Variants in DDOST observed in about 807,000 individuals in gnomAD.
DDOST encodes the protein dolichyl-diphosphooligosaccharide--protein glycosyltransferase non-catalytic subunit.
In DDOST, 25 loss-of-function variants were observed where a neutral mutation model predicts 47.6. The observed-to-expected ratio is 0.53, with a 90% CI of 0.38 to 0.73. DDOST has a LOEUF of 0.73. Ranked by LOEUF, DDOST falls within the 30% of genes least tolerant of loss-of-function variation. The probability of loss-of-function intolerance (pLI) is 0.00; values close to 1 mark genes in which losing one functional copy is unlikely to be tolerated. For synonymous variants in DDOST, 275 were observed against 236.0 expected (o/e 1.17, Z -1.51); for missense variants, 526 against 573.9 (o/e 0.92, Z 0.85).
In DDOST at chr1:20,656,107, C is replaced by T. The variant is rs141098328; in HGVS notation, c.346G>A (p.Asp116Asn). Residue 116 changes from aspartate to asparagine, a missense_variant, in exon 3 of 11, where the codon GAC (aspartate) becomes AAC (asparagine). Coordinates refer to ENST00000602624, the MANE Select transcript of DDOST (RefSeq NM_005216.5). ...CCTCCCAGGTCGGACTCACCAATGTCGGAGCTGGCAGCTACCAGCACACTG... is the reference window on the plus strand; with the variant it reads ...CCTCCCAGGTCGGACTCACCAATGTTGGAGCTGGCAGCTACCAGCACACTG... ...GGSVLVAASSDIGDPLRELGS... is the reference protein window; with the variant it reads ...GGSVLVAASSNIGDPLRELGS... 13 of 1,613,566 alleles carry T rather than the reference C, an allele frequency of 8.1e-6. No homozygotes were observed. The highest frequency in any genetic ancestry group is 3.3e-5 in the South Asian group (3 of 91,076).
At chr1:20,658,065 T>A (rs1156317507) in intron 2 of DDOST, among the ~76,000 whole-genome samples, 2 of 152,246 alleles carry the variant, frequency 1.3e-5, no homozygotes, top group Non-Finnish European at 2.9e-5. Context: ...ACGTCAAGAA[T>A]GCACCTGTTG....
Position 20,652,604 on chromosome 1 carries a change from C to G in DDOST, c.1170+17G>C. 1 of 1,614,098 alleles carries G rather than the reference C, an allele frequency of 6.2e-7. No homozygotes were observed. Among genetic ancestry groups the G allele is most frequent in the South Asian group, 1.1e-5 (1 of 91,082 alleles). ...GGCACATGCTAGCTGAAAACAGAAG[C>G]TGTCACCTGTGCTTACCTGAGTGGA... is the stretch of plus-strand genomic sequence containing the variant. On this transcript the variant is annotated intron_variant, in intron 10 of 10. Coordinates refer to ENST00000602624, the MANE Select transcript of DDOST (RefSeq NM_005216.5).
At chr1:20,654,919 G>A (rs2053351901) in intron 5 of DDOST, among the ~76,000 whole-genome samples, 1 of 152,176 alleles carries the variant, frequency 6.6e-6, no homozygotes, top group Non-Finnish European at 1.5e-5. Flanking sequence ...GAGTGCAGTG[G>A]CACAACCTTG....
In DDOST at chr1:20,651,801, T is replaced by TTTTTTTTTTTATTTATTTATTTA. The variant is rs886045853; in HGVS notation, c.*577_*578insTAAATAAATAAATAAAAAAAAAA. ...GTTTGAGGGCAACATCTCGCTTTATTTTTATTTATTTATTTATTTATTTAT... is the reference window on the plus strand; with the variant it reads ...GTTTGAGGGCAACATCTCGCTTTATTTTTTTTTTTTATTTATTTATTTATTTATTTATTTATTTATTTATTTAT... On this transcript the variant is annotated 3_prime_UTR_variant, in exon 11 of 11. Transcript: ENST00000602624. 5 of 147,120 alleles carry TTTTTTTTTTTATTTATTTATTTA rather than the reference T, an allele frequency of 3.4e-5. No homozygotes were observed. Among genetic ancestry groups the TTTTTTTTTTTATTTATTTATTTA allele is most frequent in the African/African-American group, 7.6e-5 (3 of 39,712 alleles). 9.1% of individuals were successfully genotyped at this position (147,120 alleles called of 1,614,324 possible).
At position 20,652,183 on chromosome 1, in the gene DDOST, C is replaced by T; in HGVS notation, c.*196G>A. The T allele has an allele frequency of 1.9e-6, 1 of 519,526 alleles. No individual in the cohort carries two copies. Among genetic ancestry groups the T allele is most frequent in the Non-Finnish European group, 3.2e-6 (1 of 308,506 alleles). 32.2% of individuals were successfully genotyped at this position (519,526 alleles called of 1,614,324 possible). On this transcript the variant is annotated 3_prime_UTR_variant, in exon 11 of 11. Transcript: ENST00000602624. ...CACATAGGAAAAATGCCACTTTTAG[C>T]AATTCAAAGTGGAAAAACTTCTTTT...
intron 3 of DDOST, 31 bp from the exon 4 acceptor site, chr1:20,655,810 C>A (rs755998781): frequency 2.5e-6 from 4 of 1,588,444 alleles, no homozygotes; most frequent in East Asian, 2.2e-5. Context: ...CCTAGCTGAG[C>A]CCTTACAGGG....
intron 2 of DDOST, among the ~76,000 whole-genome samples, chr1:20,659,484 G>A (rs985601513): frequency 1.6e-4 from 25 of 152,048 alleles, no homozygotes; most frequent in African/African-American, 6.0e-4. Context: ...ACTCCTCCAG[G>A]GCAGACTCCC....
At chr1:20,657,993 G>GA (rs946084541) in intron 2 of DDOST, among the ~76,000 whole-genome samples, 3 of 3,864 alleles carry the variant, frequency 7.8e-4, no homozygotes, top group Non-Finnish European at 2.0e-3. Context: ...GCAGAGGCCC[G>GA]GGTGCTGTTA....
rs2053431398 is a variant in DDOST at position 20,661,260 on chromosome 1, A to C, written c.91T>G (p.Leu31Val). 1.9e-6 allele frequency: 3 copies of C among 1,613,942 alleles called. No homozygotes were observed. In the Admixed American group the frequency reaches 5.0e-5, roughly 27 times the overall value. Reference sequence around the variant, plus strand: ...ACGTTGAGGTTGTCCAGCAGCACTAAGGTGCGGGGTCCGCTGGCGCAAACC... The same window carrying C: ...ACGTTGAGGTTGTCCAGCAGCACTACGGTGCGGGGTCCGCTGGCGCAAACC... ...GAVCASGPRT[L>V]VLLDNLNVRE... The change falls in exon 1 of 11, where the codon TTA becomes GTA. Residue 31 changes from leucine (L) to valine (V), a missense_variant. Coordinates refer to ENST00000602624, the MANE Select transcript of DDOST (RefSeq NM_005216.5).
intron 2 of DDOST, among the ~76,000 whole-genome samples, chr1:20,657,116 CAG>C (rs1200286284): frequency 6.6e-6 from 1 of 152,174 alleles, no homozygotes; most frequent in Non-Finnish European, 1.5e-5. Flanking sequence ...TCTGTGGGGT[CAG>C]AGGATTCCCA....
At chr1:20,653,512 T>C (rs901165405) in intron 8 of DDOST, 115 bp downstream of exon 8, 28 of 1,114,130 alleles carry the variant, frequency 2.5e-5, no homozygotes, top group South Asian at 3.4e-5. Flanking sequence ...GATTAACTTA[T>C]TCATCTTTAT....
intron 6 of DDOST, 86 bp downstream of exon 6, chr1:20,654,528 A>G: frequency 7.2e-7 from 1 of 1,396,434 alleles, no homozygotes; most frequent in Non-Finnish European, 9.9e-7. Context: ...GCCCCACCCC[A>G]CCAACTAGTC....
rs2053427070 is a variant in DDOST at position 20,660,915 on chromosome 1, A to G, written c.231T>C (p.Tyr77=). Residue 77 remains tyrosine, a synonymous_variant, in exon 2 of 11, where the codon TAT becomes TAC. Transcript: ENST00000602624. Reference sequence around the variant, plus strand: ...AAGGGGAGAAAATGATGAGATTGTCATAGAGGAATTCCCCATACTTTATGA... The same window carrying G: ...AAGGGGAGAAAATGATGAGATTGTCGTAGAGGAATTCCCCATACTTTATGA... ...LSLIKYGEFL[Y]DNLIIFSPSV... 11 of 1,613,172 alleles carry G rather than the reference A, an allele frequency of 6.8e-6. No homozygotes were observed. Among genetic ancestry groups the G allele is most frequent in the Non-Finnish European group, 9.3e-6 (11 of 1,179,116 alleles).
chr1:20,661,129 G>A, intron 1 of DDOST, 68 bp downstream of exon 1: 1 of 1,544,124 alleles, frequency 6.5e-7, no homozygotes, highest in East Asian at 2.3e-5. Flanking sequence ...GAAGGAGAGT[G>A]GTCAATGCCC....
rs1020454817 is a variant in DDOST at position 20,652,638 on chromosome 1, G to A, written c.1153C>T (p.Leu385=). The change falls in exon 10 of 11, where the codon CTG becomes TTG. Residue 385 remains leucine (L), a synonymous_variant. Transcript: ENST00000602624. ...VDYNRLGYTH[L]YSSTQVSVRP... ...GTGCTTACCTGAGTGGAAGAGTACAGGTGTGTGTAGCCTAGCCGGTTGTAA... is the reference window on the plus strand; with the variant it reads ...GTGCTTACCTGAGTGGAAGAGTACAAGTGTGTGTAGCCTAGCCGGTTGTAA... 10 of 1,614,090 alleles carry A rather than the reference G, an allele frequency of 6.2e-6. No homozygotes were observed. The highest frequency in any genetic ancestry group is 1.6e-4 in the Middle Eastern group (1 of 6,084).
Position 20,652,655 on chromosome 1 carries a change from C to T in DDOST, c.1136G>A (p.Arg379Gln), listed in dbSNP as rs74526704. The T allele has an allele frequency of 5.8e-5, 94 of 1,614,144 alleles. No individual in the cohort carries two copies. In the East Asian group the frequency reaches 1.9e-3, roughly 32 times the overall value. Residue 379 changes from arginine to glutamine, a missense_variant, in exon 10 of 11, where the codon CGG becomes CAG. Physicochemically the swap from Arg to Gln is conservative, Grantham distance 43 (BLOSUM62 1). Transcript: ENST00000602624. Reference sequence around the variant, plus strand: ...AGAGTACAGGTGTGTGTAGCCTAGCCGGTTGTAATCCACTTTAAACTGGAA... The same window carrying T: ...AGAGTACAGGTGTGTGTAGCCTAGCTGGTTGTAATCCACTTTAAACTGGAA... ...GVFQFKVDYN[R>Q]LGYTHLYSST...
Position 20,656,138 on chromosome 1 carries a change from G to T in DDOST, c.315C>A (p.Gly105=). ...NVETISAFID[G]GGSVLVAASS... is the part of the protein sequence containing the mutation. ...TGGCAGCTACCAGCACACTGCCTCC[G>T]CCGTCAATAAAGGCACTGATGGTCT... is the stretch of plus-strand genomic sequence containing the variant. Residue 105 remains glycine (G), a synonymous_variant, in exon 3 of 11, where the codon GGC becomes GGA. Coordinates refer to ENST00000602624, the MANE Select transcript of DDOST (RefSeq NM_005216.5). The T allele has an allele frequency of 6.2e-7, 1 of 1,613,916 alleles. No individual in the cohort carries two copies.
At chr1:20,655,585 C>A (rs1452475500) in intron 4 of DDOST, 51 bp from the exon 5 acceptor site, 1 of 1,596,736 alleles carries the variant, frequency 6.3e-7, no homozygotes, top group South Asian at 1.1e-5. Flanking sequence ...TTCCCCAAGC[C>A]AGGGAGAACC....
rs886045853 is a variant in DDOST at position 20,651,801 on chromosome 1, T to TTTTTATTTATTTATTTA, written c.*577_*578insTAAATAAATAAATAAAA. 2 of 147,120 alleles carry TTTTTATTTATTTATTTA rather than the reference T, an allele frequency of 1.4e-5. No individual in the cohort carries two copies. Among genetic ancestry groups the TTTTTATTTATTTATTTA allele is most frequent in the South Asian group, 2.2e-4 (1 of 4,516 alleles). The allele number at this position is 147,120 out of a possible 1,614,324, so 9.1% of individuals were successfully genotyped here. ...GTTTGAGGGCAACATCTCGCTTTATTTTTATTTATTTATTTATTTATTTAT... is the reference window on the plus strand; with the variant it reads ...GTTTGAGGGCAACATCTCGCTTTATTTTTTATTTATTTATTTATTTATTTATTTATTTATTTATTTAT... On this transcript the variant is annotated 3_prime_UTR_variant, in exon 11 of 11. Coordinates refer to ENST00000602624, the MANE Select transcript of DDOST (RefSeq NM_005216.5).
Sources: gnomAD v4.1 joint callset for allele counts (sites outside exome capture counted in the v4.1 genomes callset) on GRCh38, gnomAD v4.1.1 for gene constraint, MANE v1.5 for transcripts, NCBI Gene and HGNC (gene_info 2026-07-23, HGNC 2026-07-21) for gene names.